Variants in PRKD1 observed in about 807,000 individuals in gnomAD.
PRKD1 encodes serine/threonine-protein kinase D1.
A neutral mutation model predicts 95.9 loss-of-function variants in PRKD1; 63 were observed. The ratio of observed to expected loss-of-function variants is 0.66; its 90% confidence interval spans 0.54 to 0.81. The LOEUF (loss-of-function observed/expected upper bound fraction) is 0.81. PRKD1 is among the 30% of genes least tolerant of loss of function. PRKD1 has a pLI of 0.00. For synonymous variants in PRKD1, 425 were observed against 423.1 expected (o/e 1.00, Z -0.05); for missense variants, 1,048 against 1,165.3 (o/e 0.90, Z 1.47).
intron 1 of PRKD1, among the ~76,000 whole-genome samples, chr14:29,896,545 C>G (rs1176271048): frequency 6.6e-6 from 1 of 151,972 alleles, no homozygotes; most frequent in Non-Finnish European, 1.5e-5. Context: ...TTTCTGCCTG[C>G]ATCGGCAAAA....
At chr14:29,614,705 AT>A (rs896731096) in intron 13 of PRKD1, among the ~76,000 whole-genome samples, 38 of 148,196 alleles carry the variant, frequency 2.6e-4, no homozygotes, top group Middle Eastern at 3.4e-3. Flanking sequence ...ATACACATAT[AT>A]TTTTTTTTTT....
intron 1 of PRKD1, among the ~76,000 whole-genome samples, chr14:29,733,248 G>A (rs970680981): frequency 2.0e-5 from 3 of 151,496 alleles, no homozygotes; most frequent in Admixed American, 6.6e-5. Context: ...GACTACAGGC[G>A]CCCGCCACCA....
intron 1 of PRKD1, among the ~76,000 whole-genome samples, chr14:29,923,902 C>G (rs1233837061): frequency 2.0e-5 from 3 of 151,558 alleles, no homozygotes; most frequent in Admixed American, 6.6e-5. Context: ...AGCTCTTCCT[C>G]TGGAATTTTT....
At chr14:29,626,178 C>T (rs1879606393) in intron 12 of PRKD1, among the ~76,000 whole-genome samples, 1 of 152,152 alleles carries the variant, frequency 6.6e-6, no homozygotes, top group South Asian at 2.1e-4. Context: ...ATCACAACTT[C>T]CTTGTTTTCT....
intron 2 of PRKD1, among the ~76,000 whole-genome samples, chr14:29,692,967 A>G (rs1884318638): frequency 6.6e-6 from 1 of 152,206 alleles, no homozygotes. Flanking sequence ...GCCATATGCA[A>G]TAAAGCAATT....
rs965951315 is a variant in PRKD1, at chr14:29,761,462, T to C, written c.265-35788A>G. Among the ~76,000 whole-genome samples, 4 of 152,304 alleles carry C rather than the reference T, an allele frequency of 2.6e-5. No homozygotes were observed. In the South Asian group the frequency reaches 8.3e-4, roughly 32 times the overall value. The stretch of plus-strand genomic sequence containing the variant: ...CTAATAGCACTCAAATAGGGTAAGT[T>C]TGTGTCATTCATCTGGAAGGCTGAG... On this transcript the variant is annotated intron_variant, in intron 1 of 17. Transcript: ENST00000331968.
intron 13 of PRKD1, among the ~76,000 whole-genome samples, chr14:29,602,468 T>C (rs1893558929): frequency 3.3e-5 from 5 of 151,772 alleles, no homozygotes; most frequent in Admixed American, 3.3e-4. Flanking sequence ...TTCACTCTTA[T>C]TGCCCAGGTT....
chr14:29,881,560 T>G (rs1893513000), intron 1 of PRKD1, among the ~76,000 whole-genome samples: 1 of 151,912 alleles, frequency 6.6e-6, no homozygotes, highest in African/African-American at 2.4e-5. Context: ...TTGCTTTTTA[T>G]TTTTTTTGTT....
intron 1 of PRKD1, among the ~76,000 whole-genome samples, chr14:29,887,293 G>C (rs111983429): frequency 6.6e-6 from 1 of 152,182 alleles, no homozygotes; most frequent in African/African-American, 2.4e-5. Context: ...AGATGGTCAA[G>C]TCTAGAGGTG....
intron 1 of PRKD1, among the ~76,000 whole-genome samples, chr14:29,853,551 A>G (rs1201131744): frequency 1.3e-5 from 2 of 152,244 alleles, no homozygotes; most frequent in Non-Finnish European, 2.9e-5. Context: ...GCAGAGATGA[A>G]ATCATGCATG....
At chr14:29,774,702 T>C (rs1163387989) in intron 1 of PRKD1, among the ~76,000 whole-genome samples, 1 of 151,984 alleles carries the variant, frequency 6.6e-6, no homozygotes, top group East Asian at 1.9e-4. Context: ...TTATAAGTCA[T>C]TATCTTCATT....
intron 14 of PRKD1, 49 bp downstream of exon 14, chr14:29,599,607 C>T: frequency 1.3e-6 from 2 of 1,530,844 alleles, no homozygotes; most frequent in East Asian, 2.3e-5. Context: ...ACAGTGATAA[C>T]ATTTGATATT....
At chr14:29,861,654 T>C (rs192658587) in intron 1 of PRKD1, among the ~76,000 whole-genome samples, 1 of 152,182 alleles carries the variant, frequency 6.6e-6, no homozygotes, top group East Asian at 1.9e-4. Flanking sequence ...GGTTTTGTTT[T>C]CGTTTTTGTT....
At chr14:29,738,394 A>G (rs755573773) in intron 1 of PRKD1, among the ~76,000 whole-genome samples, 14 of 152,154 alleles carry the variant, frequency 9.2e-5, no homozygotes, top group Non-Finnish European at 1.8e-4. Context: ...CAGAAAATGA[A>G]TGATGTTCTA....
chr14:29,646,996 TA>T (rs969469299), intron 4 of PRKD1, among the ~76,000 whole-genome samples: 1 of 152,134 alleles, frequency 6.6e-6, no homozygotes, highest in Non-Finnish European at 1.5e-5. Context: ...TTCCTTGAGC[TA>T]ACTGTCAAAT....
At chr14:29,680,790 C>A (rs933985510) in intron 2 of PRKD1, among the ~76,000 whole-genome samples, 1 of 152,022 alleles carries the variant, frequency 6.6e-6, no homozygotes, top group Non-Finnish European at 1.5e-5. Flanking sequence ...ATGAGACAAA[C>A]GAGTCTTTTG....
At chr14:29,812,680 C>T (rs184739868) in intron 1 of PRKD1, among the ~76,000 whole-genome samples, 1 of 152,302 alleles carries the variant, frequency 6.6e-6, no homozygotes, top group Non-Finnish European at 1.5e-5. Flanking sequence ...CACTCACTAT[C>T]AGGAGAACAG....
intron 1 of PRKD1, among the ~76,000 whole-genome samples, chr14:29,900,966 A>T (rs913275843): frequency 6.6e-5 from 10 of 152,314 alleles, no homozygotes; most frequent in African/African-American, 2.2e-4. Flanking sequence ...CTACCATTTG[A>T]CCCAGCAATC....
chr14:29,900,592 C>A (rs1399971932), intron 1 of PRKD1, among the ~76,000 whole-genome samples: 1 of 151,976 alleles, frequency 6.6e-6, no homozygotes, highest in African/African-American at 2.4e-5. Context: ...ATGCATCTGA[C>A]AAAGGTCAAA....
Sources: gnomAD v4.1 joint callset for allele counts (sites outside exome capture counted in the v4.1 genomes callset) on GRCh38, gnomAD v4.1.1 for gene constraint, MANE v1.5 for transcripts, NCBI Gene and HGNC (gene_info 2026-07-23, HGNC 2026-07-21) for gene names.